GDAP1: variants seen among roughly 807,000 people sequenced by gnomAD.
GDAP1 encodes ganglioside-induced differentiation-associated protein 1.
GDAP1 carries 34 observed loss-of-function variants against 40.1 expected under a neutral mutation model. The ratio of observed to expected loss-of-function variants is 0.85; its 90% CI spans 0.64 to 1.13. GDAP1 has a LOEUF of 1.13. GDAP1 is among the 50% of genes most tolerant of loss of function. The pLI is 0.00. For missense variants in GDAP1, 374 were observed against 433.7 expected, an observed-to-expected ratio of 0.86 and a Z score of 1.22; for synonymous variants, 170 against 157.4, an observed-to-expected ratio of 1.08 and a Z score of -0.60.
intron 2 of GDAP1, among the ~76,000 whole-genome samples, chr8:74,473,146 GT>G (rs1563479099): frequency 6.7e-6 from 1 of 149,080 alleles, no homozygotes; most frequent in Non-Finnish European, 1.5e-5. Context: ...GAAGTTATTT[GT>G]TTTTTTAATC....
chr8:74,434,313 A>G (rs1806062495), intron 2 of GDAP1, among the ~76,000 whole-genome samples: 1 of 152,236 alleles, frequency 6.6e-6, no homozygotes, highest in South Asian at 2.1e-4. Context: ...AGTGTCTGTG[A>G]CAGTGTCAGC....
In GDAP1 at chr8:74,447,237, C is replaced by T. The variant is rs186957590; in HGVS notation, c.166-41441C>T. ...TTACCCTGTGTCTTCCAATTAATGTCGTTAATTCAATCAATAATTTTTTTC... is the reference window on the plus strand; with the variant it reads ...TTACCCTGTGTCTTCCAATTAATGTTGTTAATTCAATCAATAATTTTTTTC... On this transcript the variant is annotated intron_variant, in intron 2 of 2. Transcript: ENST00000523640. Among the ~76,000 whole-genome samples the T allele has an allele frequency of 3.7e-4, 56 of 152,150 alleles. No individual in the cohort carries two copies. In the East Asian group the frequency reaches 0.01, roughly 27 times the overall value.
At chr8:74,368,460 A>G (rs924273796), downstream of GDAP1, among the ~76,000 whole-genome samples, 3 of 152,242 alleles carry the variant, frequency 2.0e-5, no homozygotes, top group African/African-American at 4.8e-5. Flanking sequence ...CAAAAATGAT[A>G]TGAACTATAA....
intron 2 of GDAP1, among the ~76,000 whole-genome samples, chr8:74,406,004 A>G (rs1314278610): frequency 6.7e-6 from 1 of 150,102 alleles, no homozygotes; most frequent in African/African-American, 2.5e-5. Flanking sequence ...GGAGTCAAAA[A>G]TATATTAGAA....
downstream of GDAP1, among the ~76,000 whole-genome samples, chr8:74,370,581 A>G (rs1415159343): frequency 6.6e-6 from 1 of 152,232 alleles, no homozygotes; most frequent in African/African-American, 2.4e-5. Context: ...CAACAAAACA[A>G]ATAAACAGAA....
At chr8:74,356,716 A>T (rs13280912) in intron 2 of GDAP1, among the ~76,000 whole-genome samples, 5,131 of 104,262 alleles carry the variant, frequency 0.049, 272 homozygotes, top group Middle Eastern at 0.069. Context: ...ATATATATAT[A>T]TTTTTTTTTT....
At chr8:74,372,825 A>T (rs1018387912) in intron 2 of GDAP1, among the ~76,000 whole-genome samples, 2 of 152,114 alleles carry the variant, frequency 1.3e-5, no homozygotes, top group African/African-American at 2.4e-5. Context: ...GGTGTTTTAG[A>T]CATGAAGTCC....
At chr8:74,367,307 A>G (rs1809676171), downstream of GDAP1, among the ~76,000 whole-genome samples, 1 of 152,176 alleles carries the variant, frequency 6.6e-6, no homozygotes, top group African/African-American at 2.4e-5. Context: ...AGTATGGATT[A>G]TTCATATTGA....
chr8:74,475,825 C>T lies in GDAP1; in HGVS notation c.166-12853C>T, dbSNP rs191129733. ...TTTGGTCCAGTGTTAAGTTCAGGTC[C>T]TGAATATCTTTGTTAATTTTCTGAC... On this transcript the variant is annotated intron_variant, in intron 2 of 2. Coordinates refer to the GDAP1 transcript ENST00000523640. 3.4e-3 allele frequency among the ~76,000 whole-genome samples: 511 copies of T among 152,238 alleles called. 3 individuals are homozygous for T. Among genetic ancestry groups the T allele is most frequent in the Non-Finnish European group, 4.5e-3 (304 of 68,020 alleles).
chr8:74,388,007 G>A (rs1437002419), intron 2 of GDAP1, among the ~76,000 whole-genome samples: 2 of 152,128 alleles, frequency 1.3e-5, no homozygotes, highest in Non-Finnish European at 2.9e-5. Flanking sequence ...ATTTCTGTGG[G>A]ATCAGTGGTG....
At chr8:74,376,096 A>G (rs1369826453) in intron 2 of GDAP1, among the ~76,000 whole-genome samples, 3 of 152,240 alleles carry the variant, frequency 2.0e-5, no homozygotes, top group African/African-American at 4.8e-5. Flanking sequence ...CAAATAATTG[A>G]TAAAAGAAAT....
chr8:74,390,936 G>A (rs1810099056), intron 2 of GDAP1, among the ~76,000 whole-genome samples: 1 of 152,228 alleles, frequency 6.6e-6, no homozygotes, highest in Non-Finnish European at 1.5e-5. Context: ...CCGAACTGCA[G>A]TGGGCTCTGC....
intron 2 of GDAP1, among the ~76,000 whole-genome samples, chr8:74,428,604 C>T (rs866987592): frequency 9.0e-5 from 12 of 134,058 alleles, no homozygotes; most frequent in South Asian, 4.8e-4. Flanking sequence ...GTAGCTGGGA[C>T]TACGGGCGTA....
chr8:74,463,301 A>T (rs1045772382), intron 2 of GDAP1, among the ~76,000 whole-genome samples: 2 of 148,446 alleles, frequency 1.3e-5, no homozygotes, highest in Admixed American at 6.7e-5. Context: ...AAAAAATAAA[A>T]AAATAAATTA....
At chr8:74,435,489 TAAG>T (rs1400883837) in intron 2 of GDAP1, among the ~76,000 whole-genome samples, 6 of 152,158 alleles carry the variant, frequency 3.9e-5, no homozygotes, top group Admixed American at 2.0e-4. Flanking sequence ...CCCATTCAAA[TAAG>T]AAGAAGCTTG....
chr8:74,371,560 T>C (rs1198065332), downstream of GDAP1, among the ~76,000 whole-genome samples: 19 of 151,154 alleles, frequency 1.3e-4, no homozygotes. Flanking sequence ...CTTGGGAGGC[T>C]GAGGCAGGAG....
chr8:74,394,231 T>A (rs539998966), intron 2 of GDAP1, among the ~76,000 whole-genome samples: 1 of 152,286 alleles, frequency 6.6e-6, no homozygotes, highest in African/African-American at 2.4e-5. Context: ...TTATGAGACT[T>A]ATTCACTATC....
downstream of GDAP1, among the ~76,000 whole-genome samples, chr8:74,369,405 A>G (rs1809710814): frequency 6.6e-6 from 1 of 152,232 alleles, no homozygotes; most frequent in Admixed American, 6.5e-5. Context: ...ACAGAAAATC[A>G]TGGGAGAGAA....
At chr8:74,419,588 A>G (rs1805830164) in intron 2 of GDAP1, among the ~76,000 whole-genome samples, 2 of 152,150 alleles carry the variant, frequency 1.3e-5, no homozygotes. Flanking sequence ...GAGAGCTATT[A>G]TTTGAAAATA....
Sources: gnomAD v4.1 joint callset for allele counts (sites outside exome capture counted in the v4.1 genomes callset) on GRCh38, gnomAD v4.1.1 for gene constraint, MANE v1.5 for transcripts, NCBI Gene and HGNC (gene_info 2026-07-23, HGNC 2026-07-21) for gene names.